ZNF69: variants seen among roughly 807,000 people sequenced by gnomAD.
ZNF69 encodes zinc finger protein 69.
ZNF69 carries 47 observed loss-of-function variants against 50.9 expected under a neutral mutation model. The ratio of observed to expected loss-of-function variants is 0.92; its 90% CI spans 0.73 to 1.18. The LOEUF is 1.18. Among genes scored for constraint, ZNF69 ranks in the 50% most tolerant of loss-of-function variants. The pLI is 0.00. For synonymous variants in ZNF69, 216 were observed against 223.1 expected, an observed-to-expected ratio of 0.97 and a Z score of 0.29; for missense variants, 717 against 675.1, an observed-to-expected ratio of 1.06 and a Z score of -0.69.
At chr19:11,978,651 C>G in the ZNF69 span, 1 of 1,613,846 alleles carries the variant, frequency 6.2e-7, no homozygotes, top group East Asian at 2.2e-5. Flanking sequence ...TTCTGCTACC[C>G]ATCGAATACA....
At chr19:11,929,872 C>CTTTTA in the ZNF69 span, among the ~76,000 whole-genome samples, 3 of 148,436 alleles carry the variant, frequency 2.0e-5, no homozygotes, top group Non-Finnish European at 2.9e-5. Flanking sequence ...TCTGCCTCTC[C>CTTTTA]TCCTTTTATC....
chr19:11,977,016 C>T, the ZNF69 span: 2 of 1,613,932 alleles, frequency 1.2e-6, no homozygotes, highest in Non-Finnish European at 1.7e-6. Context: ...CCAGCCTCCT[C>T]TACACATGTG....
chr19:11,913,376 A>G, intron 4 of ZNF69: 2 of 605,054 alleles, frequency 3.3e-6, no homozygotes, highest in Non-Finnish European at 5.9e-6. Context: ...TTTTATCTCA[A>G]CCCTAATTTT....
chr19:11,925,794 G>A, the ZNF69 span, among the ~76,000 whole-genome samples: 6 of 152,326 alleles, frequency 3.9e-5, no homozygotes, highest in South Asian at 1.0e-3. Flanking sequence ...GTAAAATAAA[G>A]AAGTTTATTC....
At chr19:11,939,565 G>A in the ZNF69 span, among the ~76,000 whole-genome samples, 42 of 152,134 alleles carry the variant, frequency 2.8e-4, no homozygotes, top group African/African-American at 9.2e-4. Context: ...TGAGGGCTCT[G>A]TTCTGTTCCA....
the ZNF69 span, among the ~76,000 whole-genome samples, chr19:11,971,674 C>T: frequency 1.3e-5 from 2 of 152,254 alleles, no homozygotes; most frequent in East Asian, 3.9e-4. Flanking sequence ...CCATTTATTG[C>T]ATTTTATATT....
At chr19:11,903,744 G>A in intron 2 of ZNF69, 45 bp downstream of exon 2, 1 of 1,609,634 alleles carries the variant, frequency 6.2e-7, no homozygotes, top group Middle Eastern at 1.7e-4. Context: ...GTGAACCAGT[G>A]TTTCTAGCTC....
chr19:11,942,361 C>A, the ZNF69 span, among the ~76,000 whole-genome samples: 1 of 152,046 alleles, frequency 6.6e-6, no homozygotes, highest in South Asian at 2.1e-4. Flanking sequence ...CTTTTTTCTG[C>A]CTATTAATTC....
At chr19:11,925,881 C>G in the ZNF69 span, among the ~76,000 whole-genome samples, 1 of 152,102 alleles carries the variant, frequency 6.6e-6, no homozygotes, top group Non-Finnish European at 1.5e-5. Flanking sequence ...CGAGGCGGCT[C>G]AAGACAGTTT....
the ZNF69 span, among the ~76,000 whole-genome samples, chr19:11,932,198 C>T: frequency 6.1e-5 from 9 of 146,822 alleles, 1 homozygote; most frequent in African/African-American, 2.1e-4. Flanking sequence ...CAAAAACTTA[C>T]CTGGTCATGG....
chr19:11,949,172 C>T, the ZNF69 span: 23 of 1,612,276 alleles, frequency 1.4e-5, no homozygotes, highest in Non-Finnish European at 1.9e-5. Flanking sequence ...CATGAAAAAA[C>T]TCACACTGGA....
the ZNF69 span, among the ~76,000 whole-genome samples, chr19:11,919,808 G>A: frequency 1.4e-4 from 22 of 152,118 alleles, no homozygotes; most frequent in Admixed American, 1.4e-3. Context: ...AAAATTGCTG[G>A]CAGCAAGATG....
the ZNF69 span, among the ~76,000 whole-genome samples, chr19:11,963,088 A>AGAGAGAGAGAGAGAGAGAGT: frequency 7.5e-4 from 104 of 138,306 alleles, no homozygotes; most frequent in African/African-American, 2.9e-3. Context: ...AGAGAGAGAG[A>AGAGAGAGAGAGAGAGAGAGT]GTGTGTGTGT....
the ZNF69 span, chr19:11,947,447 C>T: frequency 3.7e-6 from 6 of 1,600,822 alleles, no homozygotes; most frequent in South Asian, 1.1e-5. Flanking sequence ...ATCATGGGCA[C>T]AGAATCTAAT....
chr19:11,928,074 C>T, the ZNF69 span, among the ~76,000 whole-genome samples: 2 of 151,918 alleles, frequency 1.3e-5, no homozygotes, highest in African/African-American at 4.8e-5. Flanking sequence ...TGGCTTACTG[C>T]AGCCTTGACC....
the ZNF69 span, among the ~76,000 whole-genome samples, chr19:11,971,898 A>C: frequency 6.6e-6 from 1 of 152,048 alleles, no homozygotes; most frequent in Non-Finnish European, 1.5e-5. Context: ...TTCCATGTCT[A>C]CTAAAAATAC....
Position 11,905,401 on chromosome 19 carries a change from C to A in ZNF69, c.1004C>A (p.Thr335Lys), listed in dbSNP as rs546304752. The A allele has an allele frequency of 3.1e-5, 50 of 1,614,072 alleles. No homozygotes were observed. The highest frequency in any genetic ancestry group is 3.3e-4 in the Middle Eastern group (2 of 6,062). ...THSRKKPYECTQCGKALSSLT... is the reference protein window; with the variant it reads ...THSRKKPYECKQCGKALSSLT... ...TCTAGGAAAAAACCCTATGAATGTA[C>A]GCAGTGTGGGAAAGCATTATCCTCT... Residue 335 changes from threonine (T) to lysine (K), a missense_variant, in exon 4 of 4, where the codon ACG becomes AAG. Thr to Lys is a moderately conservative substitution (Grantham distance 78). Transcript: ENST00000429654.
exon 5 of ZNF69, chr19:11,913,512 C>CT: frequency 2.3e-6 from 1 of 430,870 alleles, no homozygotes; most frequent in East Asian, 3.6e-5. Flanking sequence ...CTTCAGCCTC[C>CT]TGAGTAGCTG....
At chr19:11,960,122 C>A in the ZNF69 span, among the ~76,000 whole-genome samples, 1 of 151,630 alleles carries the variant, frequency 6.6e-6, no homozygotes, top group Admixed American at 6.6e-5. Flanking sequence ...GCAACCTCTG[C>A]CTCCTAGGTT....
Sources: allele counts gnomAD v4.1 joint callset (sites outside exome capture counted in the v4.1 genomes callset), GRCh38; gene constraint gnomAD v4.1.1; transcripts MANE v1.5; gene names NCBI Gene and HGNC (gene_info 2026-07-23, HGNC 2026-07-21).